AGBL1: variants seen among roughly 807,000 people sequenced by gnomAD.
AGBL1 encodes the protein AGBL carboxypeptidase 1, also known as cytosolic carboxypeptidase 4.
A neutral mutation model predicts 118.9 loss-of-function variants in AGBL1; 130 were observed. That is an observed-to-expected ratio of 1.09 (90% CI 0.95 to 1.26). AGBL1 has a LOEUF of 1.26. Among genes scored for constraint, AGBL1 ranks in the 50% most tolerant of loss-of-function variants. AGBL1 has a pLI of 0.00. For missense variants in AGBL1, 1,584 were observed against 1,298.1 expected (o/e 1.22, Z -3.38); for synonymous variants, 555 against 478.9 (o/e 1.16, Z -2.08).
intron 18 of AGBL1, among the ~76,000 whole-genome samples, chr15:86,496,753 T>TA (rs996386740): frequency 4.5e-4 from 69 of 152,012 alleles, no homozygotes; most frequent in Admixed American, 3.9e-3. Flanking sequence ...TGTACATACA[T>TA]ACAATTGTAC....
intron 1 of AGBL1, among the ~76,000 whole-genome samples, chr15:86,102,737 A>G (rs1295304364): frequency 1.3e-5 from 2 of 152,108 alleles, no homozygotes; most frequent in African/African-American, 4.8e-5. Context: ...TTGACTTTTG[A>G]CAGTCTGACT....
intron 18 of AGBL1, among the ~76,000 whole-genome samples, chr15:86,494,945 G>GTT (rs67567444): frequency 1.9e-4 from 28 of 148,726 alleles, no homozygotes; most frequent in East Asian, 7.9e-4. Context: ...TTGCTTCAGG[G>GTT]TTTTTTTTTT....
intron 1 of AGBL1, among the ~76,000 whole-genome samples, chr15:86,111,858 A>C (rs1897405582): frequency 6.6e-6 from 1 of 152,178 alleles, no homozygotes; most frequent in Non-Finnish European, 1.5e-5. Context: ...CTGTATTTAC[A>C]ACCACTCCCT....
intron 1 of AGBL1, among the ~76,000 whole-genome samples, chr15:86,115,597 C>T (rs1897703664): frequency 6.6e-6 from 1 of 152,178 alleles, no homozygotes; most frequent in African/African-American, 2.4e-5. Context: ...GCTTAGTCAC[C>T]TTCCAACATC....
At chr15:86,957,307 C>T (rs1159400135) in intron 23 of AGBL1, among the ~76,000 whole-genome samples, 1 of 151,974 alleles carries the variant, frequency 6.6e-6, no homozygotes, top group Admixed American at 6.6e-5. Context: ...CAGCCATTTC[C>T]TCTATCATCA....
At chr15:86,801,567 A>C (rs1413008543) in intron 22 of AGBL1, among the ~76,000 whole-genome samples, 1 of 152,104 alleles carries the variant, frequency 6.6e-6, no homozygotes, top group Non-Finnish European at 1.5e-5. Flanking sequence ...GGAAGATACT[A>C]CATTCCCAAG....
intron 1 of AGBL1, among the ~76,000 whole-genome samples, chr15:86,096,863 T>G (rs1234217906): frequency 1.3e-5 from 2 of 152,206 alleles, no homozygotes; most frequent in African/African-American, 4.8e-5. Context: ...TCAAATGCTC[T>G]AAGATCCCCT....
chr15:86,593,120 T>C (rs1214527379), intron 21 of AGBL1, among the ~76,000 whole-genome samples: 1 of 152,186 alleles, frequency 6.6e-6, no homozygotes, highest in East Asian at 1.9e-4. Context: ...TATTTTATTG[T>C]TCAAGTTGCC....
intron 21 of AGBL1, among the ~76,000 whole-genome samples, chr15:86,665,972 A>G (rs1596350227): frequency 6.6e-6 from 1 of 152,214 alleles, no homozygotes; most frequent in South Asian, 2.1e-4. Flanking sequence ...ACATTTCATC[A>G]TCATCGCGTA....
intron 5 of AGBL1, among the ~76,000 whole-genome samples, chr15:86,217,575 G>A (rs1172284410): frequency 6.6e-6 from 1 of 152,210 alleles, no homozygotes; most frequent in African/African-American, 2.4e-5. Context: ...TAGGGGTCAA[G>A]GGAGTCTTTC....
intron 17 of AGBL1, among the ~76,000 whole-genome samples, chr15:86,363,909 A>C (rs1183781168): frequency 1.3e-5 from 2 of 152,162 alleles, no homozygotes; most frequent in Non-Finnish European, 2.9e-5. Context: ...ATTCAGGCTC[A>C]AAATTTAGTA....
intron 18 of AGBL1, among the ~76,000 whole-genome samples, chr15:86,438,657 C>CTTTTTTTTTTTTTTTTTT (rs35937855): frequency 5.3e-5 from 7 of 131,620 alleles, no homozygotes; most frequent in African/African-American, 2.9e-5. Flanking sequence ...TAATCTGTCT[C>CTTTTTTTTTTTTTTTTTT]TTTTTTTTTT....
rs561528772 is a variant in AGBL1 at position 86,878,702 on chromosome 15, G to A, written c.3159-28385G>A. Among the ~76,000 whole-genome samples, 9 of 151,748 alleles carry A rather than the reference G, an allele frequency of 5.9e-5. No homozygotes were observed. In the South Asian group the frequency reaches 1.9e-3, roughly 31 times the overall value. ...CTTCCTTAAGGCTCTGTTTCTGAGAGTTTGTAGTTTTCTGCAATGCTTTAT... is the reference window on the plus strand; with the variant it reads ...CTTCCTTAAGGCTCTGTTTCTGAGAATTTGTAGTTTTCTGCAATGCTTTAT... On this transcript the variant is annotated intron_variant, in intron 22 of 22. Transcript: ENST00000614907.
At chr15:87,025,505 C>G (rs2081717745) in intron 24 of AGBL1, among the ~76,000 whole-genome samples, 2 of 151,954 alleles carry the variant, frequency 1.3e-5, no homozygotes, top group Non-Finnish European at 2.9e-5. Context: ...ATAGATGACA[C>G]AAACAAATGG....
At chr15:86,141,726 T>C (rs2076966062) in intron 1 of AGBL1, among the ~76,000 whole-genome samples, 1 of 152,226 alleles carries the variant, frequency 6.6e-6, no homozygotes, top group Non-Finnish European at 1.5e-5. Context: ...CCCCTTTTAC[T>C]TCCTTGTTTT....
At chr15:86,231,162 G>T (rs2078449063) in intron 6 of AGBL1, among the ~76,000 whole-genome samples, 1 of 152,176 alleles carries the variant, frequency 6.6e-6, no homozygotes, top group South Asian at 2.1e-4. Context: ...TATTATGTGT[G>T]TATGCATATT....
At chr15:86,388,994 A>T (rs17670510) in intron 17 of AGBL1, among the ~76,000 whole-genome samples, 1 of 152,108 alleles carries the variant, frequency 6.6e-6, no homozygotes, top group African/African-American at 2.4e-5. Flanking sequence ...CATGGCATGA[A>T]TTTAAAGGAT....
At chr15:87,004,721 T>C (rs942133687) in intron 24 of AGBL1, among the ~76,000 whole-genome samples, 2 of 152,224 alleles carry the variant, frequency 1.3e-5, no homozygotes, top group African/African-American at 2.4e-5. Context: ...GTGAATTTGA[T>C]CCTGTCATTA....
rs2077723825 is a variant in AGBL1, at chr15:86,191,662, A to C, written c.488+32636A>C. 3.3e-5 allele frequency among the ~76,000 whole-genome samples: 5 copies of C among 152,092 alleles called. No individual in the cohort carries two copies. In the South Asian group the frequency reaches 1.0e-3, roughly 32 times the overall value. On this transcript the variant is annotated intron_variant, in intron 5 of 22. Coordinates refer to ENST00000614907, the MANE Select transcript of AGBL1 (RefSeq NM_001386094.1). ...AAACTCTACCAGAGTGGCCTTAGAA[A>C]TCCTGGGTCAGGCATCCTTCACTTG...
Sources: allele counts gnomAD v4.1 joint callset (sites outside exome capture counted in the v4.1 genomes callset), GRCh38; gene constraint gnomAD v4.1.1; transcripts MANE v1.5; gene names NCBI Gene and HGNC (gene_info 2026-07-23, HGNC 2026-07-21).